ADAM32: variants seen among roughly 807,000 people sequenced by gnomAD.
The protein encoded by ADAM32 is disintegrin and metalloproteinase domain-containing protein 32.
Under a neutral mutation model 114.9 loss-of-function variants are expected in ADAM32, and 89 were observed. The ratio of observed to expected loss-of-function variants is 0.77; its 90% confidence interval spans 0.65 to 0.92. The LOEUF (loss-of-function observed/expected upper bound fraction) is 0.92. Ranked by LOEUF, ADAM32 falls within the 40% of genes least tolerant of loss-of-function variation. ADAM32 has a pLI of 0.00. For synonymous variants in ADAM32, 285 were observed against 307.5 expected, an observed-to-expected ratio of 0.93 and a Z score of 0.77; for missense variants, 870 against 932.8, an observed-to-expected ratio of 0.93 and a Z score of 0.88.
chr8:39,279,348 G>A (rs895158718), intron 22 of ADAM32, among the ~76,000 whole-genome samples: 19 of 152,020 alleles, frequency 1.2e-4, no homozygotes, highest in Non-Finnish European at 2.4e-4. Flanking sequence ...GCAGTGGCGC[G>A]AGCTCAGCTC....
intron 2 of ADAM32, among the ~76,000 whole-genome samples, chr8:39,119,127 T>G (rs1840495789): frequency 6.6e-6 from 1 of 152,220 alleles, no homozygotes; most frequent in Non-Finnish European, 1.5e-5. Flanking sequence ...ATTCTCATTC[T>G]CCAGTTGATG....
intron 17 of ADAM32, among the ~76,000 whole-genome samples, chr8:39,253,214 G>T (rs1344674385): frequency 1.3e-5 from 2 of 151,574 alleles, no homozygotes; most frequent in African/African-American, 4.8e-5. Flanking sequence ...ATGACATTAA[G>T]ATGCAGAAAA....
intron 1 of ADAM32, 31 bp downstream of exon 1, chr8:39,107,864 G>T (rs1382337014): frequency 1.3e-6 from 2 of 1,508,780 alleles, no homozygotes; most frequent in Non-Finnish European, 1.8e-6. Flanking sequence ...ACACTAGTCC[G>T]GGCGCTCGTC....
intron 1 of ADAM32, among the ~76,000 whole-genome samples, chr8:39,117,410 A>C (rs1309888190): frequency 2.0e-5 from 3 of 151,648 alleles, no homozygotes; most frequent in Non-Finnish European, 4.4e-5. Flanking sequence ...TTATTGGGAG[A>C]AATGTCTCTG....
intron 6 of ADAM32, among the ~76,000 whole-genome samples, chr8:39,154,134 C>T (rs939383487): frequency 5.3e-5 from 8 of 151,620 alleles, no homozygotes; most frequent in Admixed American, 1.3e-4. Flanking sequence ...TGGTTTGCTG[C>T]ACCTATCAAC....
chr8:39,151,631 A>G (rs1373914865), intron 6 of ADAM32, 83 bp downstream of exon 6: 16 of 988,168 alleles, frequency 1.6e-5, no homozygotes, highest in Non-Finnish European at 2.1e-5. Context: ...TTATAAGCCC[A>G]CTGTAGAATT....
At chr8:39,191,563 G>A (rs1448613183) in intron 11 of ADAM32, among the ~76,000 whole-genome samples, 1 of 151,912 alleles carries the variant, frequency 6.6e-6, no homozygotes, top group Non-Finnish European at 1.5e-5. Context: ...TTTAAAAAGT[G>A]CCTATTCATG....
At chr8:39,267,480 A>G (rs141270599) in intron 19 of ADAM32, among the ~76,000 whole-genome samples, 740 of 152,218 alleles carry the variant, frequency 4.9e-3, no homozygotes, top group African/African-American at 0.017. Context: ...TTTTAAATCT[A>G]TTTATCTGTT....
chr8:39,173,157 C>T (rs4733908), intron 10 of ADAM32, among the ~76,000 whole-genome samples: 17,533 of 152,238 alleles, frequency 0.12, 1,116 homozygotes, highest in Admixed American at 0.16. Flanking sequence ...ACTCAGGAGG[C>T]TGAGGCAGGA....
At chr8:39,155,120 A>G (rs1804065807) in intron 6 of ADAM32, among the ~76,000 whole-genome samples, 1 of 152,232 alleles carries the variant, frequency 6.6e-6, no homozygotes, top group African/African-American at 2.4e-5. Context: ...AGGCAATATC[A>G]TACTGAATGG....
At chr8:39,132,597 T>C (rs928470928) in intron 2 of ADAM32, among the ~76,000 whole-genome samples, 1 of 152,244 alleles carries the variant, frequency 6.6e-6, no homozygotes, top group Non-Finnish European at 1.5e-5. Context: ...CTTTTTATGT[T>C]AACTCACACA....
intron 3 of ADAM32, among the ~76,000 whole-genome samples, chr8:39,138,251 G>C (rs767616434): frequency 5.3e-5 from 8 of 152,064 alleles, no homozygotes; most frequent in Admixed American, 1.3e-4. Context: ...GTATACATGT[G>C]CCATGTTGGT....
intron 11 of ADAM32, among the ~76,000 whole-genome samples, chr8:39,187,665 G>GAA (rs79051209): frequency 1.6e-4 from 25 of 151,754 alleles, no homozygotes; most frequent in African/African-American, 5.8e-4. Context: ...TTGATTTTAT[G>GAA]AAAAAAACCC....
chr8:39,265,992 C>T (rs911851837), intron 19 of ADAM32, among the ~76,000 whole-genome samples: 2 of 152,198 alleles, frequency 1.3e-5, no homozygotes, highest in Non-Finnish European at 2.9e-5. Context: ...TATAGGTCCC[C>T]AATCTCTTCA....
chr8:39,262,596 T>A lies in ADAM32; in HGVS notation c.2162+5253T>A, dbSNP rs555767470. On this transcript the variant is annotated intron_variant, in intron 19 of 24. Coordinates refer to ENST00000379907, the MANE Select transcript of ADAM32 (RefSeq NM_145004.7). ...ACCTCTTATTTGATATGTTCAGATG[T>A]TCCCCTCCCTTCCTACCTTCCTCCT... is the stretch of plus-strand genomic sequence containing the variant. 5.9e-5 allele frequency among the ~76,000 whole-genome samples: 9 copies of A among 152,144 alleles called. No homozygotes were observed. In the South Asian group the frequency reaches 1.5e-3, roughly 25 times the overall value.
intron 3 of ADAM32, among the ~76,000 whole-genome samples, chr8:39,137,544 T>C (rs927706308): frequency 2.6e-5 from 4 of 151,962 alleles, no homozygotes; most frequent in African/African-American, 9.7e-5. Context: ...GGCAGGTGGA[T>C]CAAACTCCTG....
intron 11 of ADAM32, among the ~76,000 whole-genome samples, chr8:39,197,573 C>T (rs937448587): frequency 6.6e-6 from 1 of 151,674 alleles, no homozygotes; most frequent in Admixed American, 6.6e-5. Context: ...ATTCATTGAC[C>T]CAATGGTTAT....
chr8:39,274,190 A>C, intron 20 of ADAM32, 122 bp from the exon 21 acceptor site: 1 of 914,852 alleles, frequency 1.1e-6, no homozygotes, highest in Non-Finnish European at 1.7e-6. Context: ...ACATCATTTT[A>C]TTTATTAGTA....
At chr8:39,133,702 G>A (rs1002415708) in intron 2 of ADAM32, among the ~76,000 whole-genome samples, 13 of 152,156 alleles carry the variant, frequency 8.5e-5, no homozygotes, top group African/African-American at 7.2e-5. Flanking sequence ...CAGACTAGGC[G>A]GGCCATTTTC....
Sources: allele counts gnomAD v4.1 joint callset (sites outside exome capture counted in the v4.1 genomes callset), GRCh38; gene constraint gnomAD v4.1.1; transcripts MANE v1.5; gene names NCBI Gene and HGNC (gene_info 2026-07-23, HGNC 2026-07-21).